Variants in MGAM observed in about 807,000 individuals in gnomAD.
The protein encoded by MGAM is maltase-glucoamylase.
A neutral mutation model predicts 358.8 loss-of-function variants in MGAM; 253 were observed. The ratio of observed to expected loss-of-function variants is 0.71; its 90% CI spans 0.64 to 0.78. MGAM has a LOEUF of 0.78. MGAM is among the 30% of genes least tolerant of loss of function. The pLI is 0.00. For missense variants in MGAM, 3,080 were observed against 3,432.6 expected, an observed-to-expected ratio of 0.90 and a Z score of 2.57; for synonymous variants, 1,105 against 1,227.1, an observed-to-expected ratio of 0.90 and a Z score of 2.08.
At chr7:141,997,397 C>G (rs1804339570) in intron 1 of MGAM, among the ~76,000 whole-genome samples, 2 of 152,164 alleles carry the variant, frequency 1.3e-5, no homozygotes, top group Admixed American at 1.3e-4. Flanking sequence ...AAATTTAAGA[C>G]AGCTTGTTGC....
chr7:142,101,380 A>T (rs1245078979), intron 68 of MGAM, among the ~76,000 whole-genome samples: 1 of 151,544 alleles, frequency 6.6e-6, no homozygotes, highest in African/African-American at 2.4e-5. Context: ...TTCTGCAGTG[A>T]TGACAATGTT....
intron 18 of MGAM, among the ~76,000 whole-genome samples, chr7:142,037,739 ATTAT>A (rs1471812697): frequency 1.3e-5 from 2 of 152,188 alleles, no homozygotes; most frequent in African/African-American, 4.8e-5. Context: ...AAATGTATTG[ATTAT>A]TTAAGTTTTT....
chr7:142,013,998 A>G (rs1261935932), intron 3 of MGAM, among the ~76,000 whole-genome samples: 2 of 152,212 alleles, frequency 1.3e-5, no homozygotes, highest in African/African-American at 4.8e-5. Context: ...AGGTGATCCA[A>G]ATGTGCAGCT....
At chr7:142,056,656 T>G (rs570977100) in intron 29 of MGAM, among the ~76,000 whole-genome samples, 174 bp from the exon 30 acceptor site, 1 of 152,202 alleles carries the variant, frequency 6.6e-6, no homozygotes, top group Non-Finnish European at 1.5e-5. Flanking sequence ...AACCCAGGAA[T>G]GGGACCTGTA....
chr7:142,041,602 C>A (rs942736073), intron 21 of MGAM, among the ~76,000 whole-genome samples: 4 of 151,660 alleles, frequency 2.6e-5, no homozygotes, highest in African/African-American at 9.7e-5. Context: ...CCAATCACAA[C>A]CTGGTTTCAC....
At chr7:142,049,742 C>T (rs909961114) in intron 22 of MGAM, among the ~76,000 whole-genome samples, 1 of 152,146 alleles carries the variant, frequency 6.6e-6, no homozygotes, top group East Asian at 1.9e-4. Flanking sequence ...TAAAAAATTA[C>T]AGTGAGCTAC....
At chr7:142,032,371 A>C (rs1807585499) in intron 13 of MGAM, among the ~76,000 whole-genome samples, 1 of 152,098 alleles carries the variant, frequency 6.6e-6, no homozygotes, top group Non-Finnish European at 1.5e-5. Context: ...AAAAGCAAAA[A>C]TCCTCTTAAA....
chr7:142,070,156 G>A (rs1191923029), intron 43 of MGAM, among the ~76,000 whole-genome samples: 8 of 142,354 alleles, frequency 5.6e-5, no homozygotes, highest in African/African-American at 2.0e-4. Context: ...TTGTGCCACT[G>A]CACTCCAGCC....
At chr7:142,094,565 G>T (rs1203011726) in intron 61 of MGAM, 55 bp from the exon 62 acceptor site, 2 of 1,557,584 alleles carry the variant, frequency 1.3e-6, no homozygotes, top group African/African-American at 2.7e-5. Context: ...GAAGAGGTGA[G>T]GAGGCAGGTC....
At chr7:141,998,925 TA>T (rs1258631163) in intron 1 of MGAM, among the ~76,000 whole-genome samples, 1 of 152,110 alleles carries the variant, frequency 6.6e-6, no homozygotes, top group Admixed American at 6.6e-5. Flanking sequence ...TCAGTAAGAT[TA>T]TTTTCTGACC....
chr7:142,036,728 A>C, intron 17 of MGAM, 95 bp from the exon 18 acceptor site: 7 of 1,354,000 alleles, frequency 5.2e-6, no homozygotes, highest in Non-Finnish European at 7.1e-6. Flanking sequence ...TTCAGGAGGG[A>C]AATTCTTGGT....
chr7:142,041,015 G>A (rs1808477580), intron 21 of MGAM, among the ~76,000 whole-genome samples, 169 bp downstream of exon 21: 1 of 152,042 alleles, frequency 6.6e-6, no homozygotes, highest in Admixed American at 6.6e-5. Context: ...TCAATTCTGG[G>A]CAAACCAGGT....
chr7:142,044,972 A>G (rs1286266202), intron 21 of MGAM, among the ~76,000 whole-genome samples: 1 of 108,432 alleles, frequency 9.2e-6, no homozygotes, highest in African/African-American at 3.5e-5. Flanking sequence ...GTAATATATG[A>G]TATATAATGT....
chr7:142,021,794 A>G, intron 6 of MGAM, 57 bp downstream of exon 6: 1 of 1,553,992 alleles, frequency 6.4e-7, no homozygotes, highest in Non-Finnish European at 8.9e-7. Flanking sequence ...GGAGGTCTGT[A>G]AGCATGAAGA....
intron 28 of MGAM, 104 bp from the exon 29 acceptor site, chr7:142,055,896 C>T: frequency 6.9e-7 from 1 of 1,448,952 alleles, no homozygotes; most frequent in South Asian, 1.2e-5. Context: ...TGTCTAGTTT[C>T]ATGGAGAAAA....
chr7:142,000,475 A>G (rs1554450294), intron 1 of MGAM, among the ~76,000 whole-genome samples: 1 of 152,102 alleles, frequency 6.6e-6, no homozygotes, highest in Non-Finnish European at 1.5e-5. Flanking sequence ...CCTTCTCCAC[A>G]TCCTATCTGT....
intron 44 of MGAM, among the ~76,000 whole-genome samples, chr7:142,072,007 C>CT (rs1563195852): frequency 6.9e-6 from 1 of 145,950 alleles, no homozygotes; most frequent in Non-Finnish European, 1.6e-5. Context: ...AAATTCTAGA[C>CT]TTTTTTATGA....
At chr7:142,034,894 T>A in intron 16 of MGAM, 53 bp downstream of exon 16, 1 of 1,551,648 alleles carries the variant, frequency 6.4e-7, no homozygotes, top group Non-Finnish European at 8.7e-7. Flanking sequence ...GGCAACCTCA[T>A]TCTAGAAAGT....
intron 21 of MGAM, among the ~76,000 whole-genome samples, chr7:142,045,999 G>T (rs1810314219): frequency 7.7e-6 from 1 of 130,542 alleles, no homozygotes; most frequent in African/African-American, 2.9e-5. Context: ...CATACAATAT[G>T]TAATATATAT....
Sources: allele counts gnomAD v4.1 joint callset (sites outside exome capture counted in the v4.1 genomes callset), GRCh38; gene constraint gnomAD v4.1.1; transcripts MANE v1.5; gene names NCBI Gene and HGNC (gene_info 2026-07-23, HGNC 2026-07-21).